Variants in AUTS2 observed in about 807,000 individuals in gnomAD.
AUTS2 encodes autism susceptibility gene 2 protein.
A neutral mutation model predicts 112.4 loss-of-function variants in AUTS2; 17 were observed. That is an observed-to-expected ratio of 0.15 (90% CI 0.10 to 0.23). The LOEUF is 0.23. Ranked by LOEUF, AUTS2 falls within the 10% of genes least tolerant of loss-of-function variation. The pLI, the probability that AUTS2 is intolerant of heterozygous loss-of-function variation, is 1.00. For missense variants in AUTS2, 1,510 were observed against 1,701.6 expected (o/e 0.89, Z 1.98); for synonymous variants, 751 against 702.7 (o/e 1.07, Z -1.09).
chr7:70,285,085 T>G lies in AUTS2; in HGVS notation c.660+150514T>G, dbSNP rs188196068. Among the ~76,000 whole-genome samples the G allele has an allele frequency of 5.3e-5, 8 of 152,312 alleles. No homozygotes were observed. The East Asian group carries it at 1.3e-3, about 26-fold the overall frequency. On this transcript the variant is annotated intron_variant, in intron 4 of 18. Transcript: ENST00000342771. ...GAAAGTAGTTAACAATGAAACTGCA[T>G]AGTATGAGCCATGCTGATTTTTTTT...
At chr7:70,491,217 C>T (rs1314116292) in intron 5 of AUTS2, among the ~76,000 whole-genome samples, 1 of 119,556 alleles carries the variant, frequency 8.4e-6, no homozygotes, top group Non-Finnish European at 2.0e-5. Flanking sequence ...CTCATTATCA[C>T]ACACTCTCTC....
chr7:70,119,880 G>A (rs1413378963), intron 3 of AUTS2: 2 of 152,130 alleles, frequency 1.3e-5, no homozygotes, highest in Non-Finnish European at 2.9e-5. Context: ...GCAGTGTGCT[G>A]TTCATTATAG....
intron 2 of AUTS2, among the ~76,000 whole-genome samples, chr7:69,935,980 A>ACCAAGAGCAT (rs1230297352): frequency 6.6e-6 from 1 of 152,208 alleles, no homozygotes; most frequent in Non-Finnish European, 1.5e-5. Context: ...AAAGCCATTT[A>ACCAAGAGCAT]CCAAGAGCAT....
At chr7:70,174,246 A>T (rs1249812555) in intron 4 of AUTS2, among the ~76,000 whole-genome samples, 1 of 152,224 alleles carries the variant, frequency 6.6e-6, no homozygotes, top group Non-Finnish European at 1.5e-5. Flanking sequence ...ACATTCCCTT[A>T]AGCCAAAACC....
At chr7:70,157,682 A>T (rs1336297839) in intron 4 of AUTS2, among the ~76,000 whole-genome samples, 1 of 152,160 alleles carries the variant, frequency 6.6e-6, no homozygotes, top group Non-Finnish European at 1.5e-5. Context: ...TCAGGATCTG[A>T]AGATAGCTGG....
chr7:69,663,553 T>C, intron 1 of AUTS2, among the ~76,000 whole-genome samples: 1 of 152,214 alleles, frequency 6.6e-6, no homozygotes, highest in East Asian at 1.9e-4. Flanking sequence ...AAATTTGAAT[T>C]GGGAGCTGAG....
At chr7:70,145,132 C>T (rs901839945) in intron 4 of AUTS2, among the ~76,000 whole-genome samples, 9 of 151,966 alleles carry the variant, frequency 5.9e-5, no homozygotes, top group African/African-American at 9.7e-5. Flanking sequence ...ATTTGATTTA[C>T]GCTGGCTGAG....
chr7:69,619,857 G>A (rs904027022), intron 1 of AUTS2, among the ~76,000 whole-genome samples: 31 of 152,116 alleles, frequency 2.0e-4, no homozygotes, highest in Non-Finnish European at 4.0e-4. Context: ...TTCTGGTGTC[G>A]CATTGTTTTT....
chr7:70,603,326 C>T (rs1426773694), intron 5 of AUTS2, among the ~76,000 whole-genome samples: 1 of 152,152 alleles, frequency 6.6e-6, no homozygotes, highest in Non-Finnish European at 1.5e-5. Context: ...CACACTCCTC[C>T]CAGTGTCAGT....
chr7:69,901,271 C>T (rs1794958299), intron 2 of AUTS2, among the ~76,000 whole-genome samples: 1 of 151,628 alleles, frequency 6.6e-6, no homozygotes, highest in African/African-American at 2.4e-5. Flanking sequence ...GCAATGTAAC[C>T]ACCCCCCTCT....
chr7:70,230,081 T>C (rs575173762), intron 4 of AUTS2, among the ~76,000 whole-genome samples: 1 of 148,582 alleles, frequency 6.7e-6, no homozygotes, highest in Non-Finnish European at 1.5e-5. Flanking sequence ...TCAGAGATAG[T>C]ATCTATTGAC....
chr7:70,735,438 T>C (rs1423536194), intron 6 of AUTS2, among the ~76,000 whole-genome samples: 5 of 152,190 alleles, frequency 3.3e-5, no homozygotes, highest in Non-Finnish European at 7.4e-5. Flanking sequence ...GGGTGGCTTC[T>C]AGAGTCAAGG....
At chr7:70,465,179 A>G (rs776236199) in intron 5 of AUTS2, among the ~76,000 whole-genome samples, 6 of 152,194 alleles carry the variant, frequency 3.9e-5, no homozygotes, top group Non-Finnish European at 8.8e-5. Flanking sequence ...ACTTGGCCTC[A>G]GGAAGTTTTC....
rs957719716 is a variant in AUTS2 at position 70,000,888 on chromosome 7, ATGAC to A, written c.522+101397_522+101400del. On this transcript the variant is annotated intron_variant, in intron 2 of 18. Coordinates refer to ENST00000342771, the MANE Select transcript of AUTS2 (RefSeq NM_015570.4). The stretch of plus-strand genomic sequence containing the variant: ...TAAAACAACAACAGAAAAATTGGTA[ATGAC>A]TGACTGTATGCCCATTGGCCGGGGC... Among the ~76,000 whole-genome samples the A allele has an allele frequency of 7.5e-3, 1,147 of 152,208 alleles. 15 individuals are homozygous for A. Among genetic ancestry groups the A allele is most frequent in the African/African-American group, 0.026 (1,090 of 41,526 alleles).
chr7:69,810,892 C>T (rs1287643820), intron 1 of AUTS2, among the ~76,000 whole-genome samples: 1 of 152,116 alleles, frequency 6.6e-6, no homozygotes, highest in Admixed American at 6.5e-5. Context: ...TATTATACCC[C>T]TAATTCTACA....
intron 4 of AUTS2, among the ~76,000 whole-genome samples, chr7:70,142,455 A>G (rs1806916358): frequency 6.6e-6 from 1 of 152,236 alleles, no homozygotes; most frequent in Non-Finnish European, 1.5e-5. Context: ...GCAAGGCCAT[A>G]GTGCTGCTTA....
At chr7:70,655,110 G>A (rs1020125236) in intron 5 of AUTS2, among the ~76,000 whole-genome samples, 1 of 152,174 alleles carries the variant, frequency 6.6e-6, no homozygotes, top group Non-Finnish European at 1.5e-5. Context: ...CACAGCAGCA[G>A]GGCCCATTGC....
chr7:70,117,104 G>GTTTTGTTTTTTTTTTTTTT, intron 2 of AUTS2, among the ~76,000 whole-genome samples: 1 of 78,440 alleles, frequency 1.3e-5, no homozygotes, highest in Non-Finnish European at 2.7e-5. Context: ...GATGACTTTT[G>GTTTTGTTTTTTTTTTTTTT]TTTTTTTTTT....
At chr7:70,638,222 C>T (rs1221631669) in intron 5 of AUTS2, among the ~76,000 whole-genome samples, 4 of 152,120 alleles carry the variant, frequency 2.6e-5, no homozygotes, top group Non-Finnish European at 5.9e-5. Flanking sequence ...GTAATAATCC[C>T]CCCGAATCCT....
Sources: gnomAD v4.1 joint callset for allele counts (sites outside exome capture counted in the v4.1 genomes callset) on GRCh38, gnomAD v4.1.1 for gene constraint, MANE v1.5 for transcripts, NCBI Gene and HGNC (gene_info 2026-07-23, HGNC 2026-07-21) for gene names.